Variants in PTH2R observed in about 807,000 individuals in gnomAD.
The protein encoded by PTH2R is parathyroid hormone 2 receptor.
A neutral mutation model predicts 60.3 loss-of-function variants in PTH2R; 59 were observed. The ratio of observed to expected loss-of-function variants is 0.98; its 90% confidence interval spans 0.79 to 1.22. The LOEUF (loss-of-function observed/expected upper bound fraction) is 1.22. Among genes scored for constraint, PTH2R ranks in the 50% most tolerant of loss-of-function variants. The pLI is 0.00. For synonymous variants in PTH2R, 256 were observed against 243.8 expected (o/e 1.05, Z -0.47); for missense variants, 749 against 682.6 (o/e 1.10, Z -1.08).
chr2:208,377,888 A>T (rs1392561450), intron 1 of PTH2R, among the ~76,000 whole-genome samples: 14 of 148,986 alleles, frequency 9.4e-5, no homozygotes, highest in Non-Finnish European at 1.5e-4. Context: ...CACTTCCCAG[A>T]CTGGGCAGCC....
At chr2:208,490,282 A>G (rs954403022) in intron 11 of PTH2R, among the ~76,000 whole-genome samples, 2 of 152,108 alleles carry the variant, frequency 1.3e-5, no homozygotes, top group African/African-American at 4.8e-5. Context: ...ACAATACTTT[A>G]TGTTTGTAGT....
chr2:208,488,993 A>C lies in PTH2R; in HGVS notation c.1077-19A>C. 1.2e-6 allele frequency: 2 copies of C among 1,613,304 alleles called. No individual in the cohort carries two copies. Among genetic ancestry groups the C allele is most frequent in the Non-Finnish European group, 1.7e-6 (2 of 1,179,600 alleles). On this transcript the variant is annotated intron_variant, in intron 10 of 12. Coordinates refer to ENST00000272847, the MANE Select transcript of PTH2R (RefSeq NM_005048.4). ...GGCACTCTAGTTAATGAATGAAAAG[A>C]CTTGCTGTTCTCCTTTAGGAAACTG...
intron 1 of PTH2R, among the ~76,000 whole-genome samples, chr2:208,365,953 TATATA>T (rs1700579751): frequency 1.9e-4 from 4 of 21,218 alleles, no homozygotes; most frequent in Non-Finnish European, 2.8e-4. Flanking sequence ...TATATATATA[TATATA>T]TATTTTTTTT....
At chr2:208,381,245 T>G (rs1419053446) in intron 1 of PTH2R, among the ~76,000 whole-genome samples, 1 of 152,074 alleles carries the variant, frequency 6.6e-6, no homozygotes, top group Non-Finnish European at 1.5e-5. Flanking sequence ...TTCCTCTAGA[T>G]GTATCATATC....
intron 8 of PTH2R, among the ~76,000 whole-genome samples, chr2:208,456,858 A>T (rs1702525211): frequency 6.6e-6 from 1 of 152,266 alleles, no homozygotes; most frequent in African/African-American, 2.4e-5. Flanking sequence ...ATTTTCTTTA[A>T]AAAGTTTGAA....
intron 1 of PTH2R, among the ~76,000 whole-genome samples, chr2:208,412,039 T>C (rs1330615007): frequency 6.6e-6 from 1 of 152,250 alleles, no homozygotes; most frequent in African/African-American, 2.4e-5. Flanking sequence ...TGTGTATGTA[T>C]GTGAGAATTT....
chr2:208,476,321 ATTATAAATACCAAATTGATTT>A (rs1281030584), intron 9 of PTH2R, among the ~76,000 whole-genome samples: 2 of 152,174 alleles, frequency 1.3e-5, no homozygotes, highest in African/African-American at 2.4e-5. Flanking sequence ...CATTGACACA[ATTATAAATACCAAATTGATTT>A]TTCCCCCAGA....
At chr2:208,432,259 A>C (rs2105859565) in intron 2 of PTH2R, among the ~76,000 whole-genome samples, 1 of 152,344 alleles carries the variant, frequency 6.6e-6, no homozygotes, top group South Asian at 2.1e-4. Flanking sequence ...ATGTGCCCAG[A>C]GTAAGCTCTA....
At chr2:208,428,746 G>C (rs1701909409) in intron 2 of PTH2R, among the ~76,000 whole-genome samples, 1 of 152,154 alleles carries the variant, frequency 6.6e-6, no homozygotes, top group African/African-American at 2.4e-5. Context: ...TTTCTCAATT[G>C]TTTATGATCA....
rs967528818 is a variant in PTH2R, at chr2:208,376,853, CT to C, written c.-259+16626del. On this transcript the variant is annotated intron_variant, in intron 1 of 12. Coordinates refer to the PTH2R transcript ENST00000617735. ...CCTCTTCAATTAAAAATGCCTCTTT[CT>C]TTTTTTTTTAAGTTAATTAATTAAT... is the stretch of plus-strand genomic sequence containing the variant. Among the ~76,000 whole-genome samples, 89 of 148,008 alleles carry C rather than the reference CT, an allele frequency of 6.0e-4. 1 individual carries two copies. Among genetic ancestry groups the C allele is most frequent in the African/African-American group, 8.2e-4 (33 of 40,222 alleles).
chr2:208,482,801 C>A (rs981294634), intron 10 of PTH2R, among the ~76,000 whole-genome samples: 6 of 151,920 alleles, frequency 3.9e-5, no homozygotes, highest in Non-Finnish European at 7.4e-5. Context: ...TATGGACAGG[C>A]ACCCCCCATG....
chr2:208,466,184 A>T (rs1702748094), intron 9 of PTH2R: 1 of 152,328 alleles, frequency 6.6e-6, no homozygotes, highest in Non-Finnish European at 1.5e-5. Flanking sequence ...AAGGAAGAAG[A>T]GCTTTTCATT....
chr2:208,391,877 G>A (rs1701114486), intron 1 of PTH2R, among the ~76,000 whole-genome samples: 1 of 152,174 alleles, frequency 6.6e-6, no homozygotes, highest in East Asian at 1.9e-4. Context: ...AAGAGCTTCA[G>A]TACCTTCCTG....
intron 1 of PTH2R, among the ~76,000 whole-genome samples, chr2:208,377,304 C>G (rs974704581): frequency 6.6e-5 from 10 of 152,168 alleles, no homozygotes; most frequent in African/African-American, 2.4e-4. Context: ...TCTGATTTCT[C>G]TATCCTTTCC....
upstream of PTH2R, chr2:208,406,691 G>A (rs1166295597): frequency 5.0e-6 from 1 of 200,056 alleles, no homozygotes; most frequent in South Asian, 1.9e-4. Flanking sequence ...GTGACTTCGA[G>A]GAGGAGCGCG....
chr2:208,391,204 G>T (rs1158695414), intron 1 of PTH2R, among the ~76,000 whole-genome samples: 1 of 152,196 alleles, frequency 6.6e-6, no homozygotes, highest in African/African-American at 2.4e-5. Flanking sequence ...AGCCAGAGAA[G>T]TTACATGCTT....
At chr2:208,377,009 G>A (rs1188666340) in intron 1 of PTH2R, among the ~76,000 whole-genome samples, 1 of 152,012 alleles carries the variant, frequency 6.6e-6, no homozygotes, top group African/African-American at 2.4e-5. Flanking sequence ...CCTAGGCAGA[G>A]GACCCTGCGG....
Position 208,388,132 on chromosome 2 carries a change from A to ATCC in PTH2R, c.-259+27895_-259+27896insTCC, listed in dbSNP as rs377227586. Among the ~76,000 whole-genome samples the ATCC allele has an allele frequency of 4.6e-4, 60 of 131,350 alleles. 2 individuals carry two copies. Among genetic ancestry groups the ATCC allele is most frequent in the Admixed American group, 4.7e-4 (6 of 12,814 alleles). The allele number at this position is 131,350 out of a possible 152,430, so 86.2% of individuals were successfully genotyped here. A position where few individuals can be genotyped will look rare whatever the true frequency, so the allele number is the denominator to read the frequency against. On this transcript the variant is annotated intron_variant, in intron 1 of 12. Coordinates refer to the PTH2R transcript ENST00000617735. ...AGACCATTCTGGCTAACATGGTGAA[A>ATCC]CCCCCCCCCCCGTCTCTACTAAAAA...
Position 208,442,439 on chromosome 2 carries a change from A to G in PTH2R, c.487A>G (p.Ile163Val), listed in dbSNP as rs771326814. ...SISFGSLAVAILIIGYFRRLH... is the reference protein window; with the variant it reads ...SISFGSLAVAVLIIGYFRRLH... ...CTCTTTTGGTTCCTTGGCTGTGGCT[A>G]TTCTCATCATTGGTTACTTCAGGTG... Residue 163 changes from isoleucine to valine, a missense_variant, in exon 5 of 13, where the codon ATT (isoleucine) becomes GTT (valine). By Grantham distance (29) the Ile-to-Val change is conservative. Coordinates refer to ENST00000272847, the MANE Select transcript of PTH2R (RefSeq NM_005048.4). 3 of 1,610,104 alleles carry G rather than the reference A, an allele frequency of 1.9e-6. No homozygotes were observed. Among genetic ancestry groups the G allele is most frequent in the Non-Finnish European group, 2.6e-6 (3 of 1,176,466 alleles).
Sources: allele counts gnomAD v4.1 joint callset (sites outside exome capture counted in the v4.1 genomes callset), GRCh38; gene constraint gnomAD v4.1.1; transcripts MANE v1.5; gene names NCBI Gene and HGNC (gene_info 2026-07-23, HGNC 2026-07-21).